Variants in CHEK2 observed in about 807,000 individuals in gnomAD.
The protein encoded by CHEK2 is checkpoint kinase 2.
CHEK2 carries 71 observed loss-of-function variants against 69.1 expected under a neutral mutation model. That is an observed-to-expected ratio of 1.03 (90% CI 0.85 to 1.25). The LOEUF is 1.25. CHEK2 is among the 50% of genes most tolerant of loss of function. The pLI is 0.00. For synonymous variants in CHEK2, 189 were observed against 226.9 expected (o/e 0.83, Z 1.50); for missense variants, 664 against 649.6 (o/e 1.02, Z -0.24).
chr22:28,716,010 T>G (rs1205897956), intron 5 of CHEK2, among the ~76,000 whole-genome samples: 1 of 151,402 alleles, frequency 6.6e-6, no homozygotes, highest in South Asian at 2.1e-4. Context: ...GGACTACAGG[T>G]GCAGACCGCA....
chr22:28,711,850 T>C, intron 6 of CHEK2, 59 bp downstream of exon 6: 1 of 1,123,116 alleles, frequency 8.9e-7, no homozygotes, highest in Non-Finnish European at 1.4e-6. Flanking sequence ...TCTAAGATTA[T>C]TTTGGGAAGT....
At chr22:28,699,975 G>T in intron 8 of CHEK2, 38 bp from the exon 9 acceptor site, 1 of 1,401,716 alleles carries the variant, frequency 7.1e-7, no homozygotes, top group Non-Finnish European at 1.0e-6. Context: ...TCATTCCTGG[G>T]GGAAAACGCA....
intron 2 of CHEK2, among the ~76,000 whole-genome samples, chr22:28,733,967 G>A (rs987501457): frequency 6.6e-6 from 1 of 150,402 alleles, no homozygotes; most frequent in Non-Finnish European, 1.5e-5. Flanking sequence ...AAAAAAGGAA[G>A]AATTTGCACT....
chr22:28,739,697 A>C (rs901213023), intron 1 of CHEK2, among the ~76,000 whole-genome samples: 1 of 152,014 alleles, frequency 6.6e-6, no homozygotes, highest in Non-Finnish European at 1.5e-5. Flanking sequence ...TCAAACAAAC[A>C]AACAAACAAA....
chr22:28,722,575 G>C (rs533707144), intron 4 of CHEK2, among the ~76,000 whole-genome samples: 249 of 144,734 alleles, frequency 1.7e-3, no homozygotes, highest in African/African-American at 5.5e-3. Context: ...GAAAAGAAAA[G>C]AAAACAAAAT....
At chr22:28,727,875 T>A (rs1244937257) in intron 2 of CHEK2, 1 of 152,206 alleles carries the variant, frequency 6.6e-6, no homozygotes, top group African/African-American at 2.4e-5. Context: ...GCAAGAGGTA[T>A]GAAAAAGCGG....
intron 4 of CHEK2, 56 bp from the exon 5 acceptor site, chr22:28,719,541 A>T (rs2146008742): frequency 1.0e-6 from 1 of 982,676 alleles, no homozygotes; most frequent in Non-Finnish European, 1.6e-6. Context: ...AGAGGCGATC[A>T]CTGATTCTAA....
In CHEK2 at chr22:28,739,225, G is replaced by A. The variant is rs941729791; in HGVS notation, c.-7+2544C>T. On this transcript the variant is annotated intron_variant, in intron 1 of 14. Transcript: ENST00000404276. ...ACGGAGACGGAGGTTGCAGTGAGCC[G>A]AGATCGCACCACTGCACTCGAGGCT... is the stretch of plus-strand genomic sequence containing the variant. 3.9e-5 allele frequency among the ~76,000 whole-genome samples: 6 copies of A among 152,156 alleles called. No individual in the cohort carries two copies. The East Asian group carries it at 7.7e-4, about 20-fold the overall frequency.
intron 13 of CHEK2, among the ~76,000 whole-genome samples, chr22:28,692,174 C>T (rs1272838067): frequency 1.3e-5 from 2 of 152,192 alleles, no homozygotes; most frequent in Non-Finnish European, 2.9e-5. Flanking sequence ...AACCCTGTTC[C>T]CAGGCTCAAC....
At chr22:28,708,342 A>G (rs1484009829) in intron 7 of CHEK2, among the ~76,000 whole-genome samples, 1 of 140,698 alleles carries the variant, frequency 7.1e-6, no homozygotes, top group Non-Finnish European at 1.6e-5. Context: ...TGGGTAACAG[A>G]GACAGACTGT....
intron 7 of CHEK2, among the ~76,000 whole-genome samples, chr22:28,704,225 G>A (rs2053017897): frequency 6.6e-6 from 1 of 151,724 alleles, no homozygotes; most frequent in Non-Finnish European, 1.5e-5. Flanking sequence ...CTGAGGGTAA[G>A]GAAGAGAATA....
Position 28,725,365 on chromosome 22 carries a change from A to G in CHEK2, c.322T>C (p.Cys108Arg), listed in dbSNP as rs730881681. 11 of 1,614,068 alleles carry G rather than the reference A, an allele frequency of 6.8e-6. No homozygotes were observed. The highest frequency in any genetic ancestry group is 7.6e-6 in the Non-Finnish European group (9 of 1,180,006). Reference sequence around the variant, plus strand: ...CCAAACCAGTAGTTGTCATTCACACATTCTGTAATATAAAAGCATGCATCA... The same window carrying G: ...CCAAACCAGTAGTTGTCATTCACACGTTCTGTAATATAAAAGCATGCATCA... ...ALQDGFANLE[C>R]VNDNYWFGRD... Residue 108 changes from cysteine (C) to arginine (R), a missense_variant and splice_region_variant, in exon 3 of 15, where the codon TGT (cysteine) becomes CGT (arginine). Transcript: ENST00000404276.
intron 5 of CHEK2, among the ~76,000 whole-genome samples, chr22:28,713,208 C>T (rs924459752): frequency 1.4e-4 from 21 of 152,184 alleles, no homozygotes; most frequent in Non-Finnish European, 2.4e-4. Flanking sequence ...TATCTATTCA[C>T]CTTCCGACGG....
chr22:28,724,776 G>C (rs1327959234), intron 4 of CHEK2: 2 of 631,314 alleles, frequency 3.2e-6, no homozygotes, highest in East Asian at 3.3e-5. Context: ...ATGTGGGTCA[G>C]GCTGGTCTCG....
chr22:28,692,999 T>C (rs1165722103), intron 13 of CHEK2, among the ~76,000 whole-genome samples: 1 of 152,186 alleles, frequency 6.6e-6, no homozygotes, highest in South Asian at 2.1e-4. Flanking sequence ...TCCCCAGCCA[T>C]GTGCAGCTGT....
At chr22:28,704,524 G>A (rs917102666) in intron 7 of CHEK2, among the ~76,000 whole-genome samples, 2 of 151,868 alleles carry the variant, frequency 1.3e-5, no homozygotes, top group Non-Finnish European at 2.9e-5. Context: ...GTAGAGAGAG[G>A]GTTTCACCAT....
intron 9 of CHEK2, among the ~76,000 whole-genome samples, chr22:28,698,161 C>A (rs2052664703): frequency 6.9e-6 from 1 of 145,764 alleles, no homozygotes; most frequent in African/African-American, 2.5e-5. Context: ...GAGCTCAAGG[C>A]AGGCGGATAG....
rs1210425254 is a variant in CHEK2 at position 28,699,793 on chromosome 22, ACT to A, written c.1008+43_1008+44del. On this transcript the variant is annotated intron_variant, in intron 9 of 14. Transcript: ENST00000404276. ...TCTGCCTAATTCAGGGAGTAATTCA[ACT>A]AAAAGAAAGGCAGCTGTCAAAAGAA... 3 of 1,296,184 alleles carry A rather than the reference ACT, an allele frequency of 2.3e-6. No homozygotes were observed. In the African/African-American group the frequency reaches 4.4e-5, roughly 19 times the overall value. The allele number at this position is 1,296,184 out of a possible 1,614,324, so 80.3% of individuals were successfully genotyped here.
At chr22:28,698,075 A>C (rs2052659849) in intron 9 of CHEK2, among the ~76,000 whole-genome samples, 2 of 151,900 alleles carry the variant, frequency 1.3e-5, no homozygotes, top group African/African-American at 4.8e-5. Flanking sequence ...AAAAATTAAA[A>C]TTAAAATTAA....
Sources: gnomAD v4.1 joint callset for allele counts (sites outside exome capture counted in the v4.1 genomes callset) on GRCh38, gnomAD v4.1.1 for gene constraint, MANE v1.5 for transcripts, NCBI Gene and HGNC (gene_info 2026-07-23, HGNC 2026-07-21) for gene names.